NPHP4: variants seen among roughly 807,000 people sequenced by gnomAD.
The protein encoded by NPHP4 is nephrocystin 4.
A neutral mutation model predicts 155.8 loss-of-function variants in NPHP4; 151 were observed. That is an observed-to-expected ratio of 0.97 (90% CI 0.85 to 1.11). NPHP4 has a LOEUF of 1.11. NPHP4 is among the 50% of genes least tolerant of loss of function. The pLI is 0.00. For missense variants in NPHP4, 1,956 were observed against 1,925.7 expected, an observed-to-expected ratio of 1.02 and a Z score of -0.29; for synonymous variants, 845 against 816.8, an observed-to-expected ratio of 1.03 and a Z score of -0.59.
chr1:5,898,003 G>C (rs1025517824), intron 16 of NPHP4, among the ~76,000 whole-genome samples: 1 of 152,232 alleles, frequency 6.6e-6, no homozygotes, highest in African/African-American at 2.4e-5. Context: ...GGAAAGAGGA[G>C]ATCCACTAAG....
At chr1:5,896,534 GATAA>G (rs978537586) in intron 16 of NPHP4, among the ~76,000 whole-genome samples, 6 of 152,160 alleles carry the variant, frequency 3.9e-5, no homozygotes, top group South Asian at 2.1e-4. Flanking sequence ...TGTTAGGCAA[GATAA>G]ATAAGTAAAT....
At position 5,864,380 on chromosome 1, in the gene NPHP4, G is replaced by C. The variant is rs770386333; in HGVS notation, c.3954C>G (p.Ser1318=). 79 of 1,611,524 alleles carry C rather than the reference G, an allele frequency of 4.9e-5. No individual in the cohort carries two copies. The highest frequency in any genetic ancestry group is 6.4e-5 in the Non-Finnish European group (76 of 1,179,062). ...GGCGGCAGCAGAGGCACACGAGCCA[G>C]GAGGCCACCAGCTGGTGGCAATCCA... ...VDVDCHQLVA[S]WLVCLCCRQP... is the part of the protein sequence containing the mutation. Residue 1318 remains serine (S), a synonymous_variant, in exon 28 of 30, where the codon TCC becomes TCG. Coordinates refer to ENST00000378156, the MANE Select transcript of NPHP4 (RefSeq NM_015102.5).
chr1:5,948,319 G>T, intron 7 of NPHP4, 68 bp from the exon 8 acceptor site: 1 of 1,228,490 alleles, frequency 8.1e-7, no homozygotes, highest in Non-Finnish European at 1.1e-6. Flanking sequence ...GAAGTCCCTG[G>T]GGGAGGCGAG....
chr1:5,936,608 A>T (rs1203990990), intron 9 of NPHP4, among the ~76,000 whole-genome samples: 1 of 152,240 alleles, frequency 6.6e-6, no homozygotes. Flanking sequence ...CAAATACACA[A>T]AAGACAAAAT....
At chr1:5,937,078 A>C (rs1646580223) in intron 9 of NPHP4, among the ~76,000 whole-genome samples, 1 of 152,200 alleles carries the variant, frequency 6.6e-6, no homozygotes, top group Non-Finnish European at 1.5e-5. Flanking sequence ...AGAGGCAGGG[A>C]GGCCCCATCC....
Position 5,864,888 on chromosome 1 carries a change from C to T in NPHP4, c.3816+214G>A, listed in dbSNP as rs151227694. On this transcript the variant is annotated intron_variant, in intron 27 of 29. Coordinates refer to ENST00000378156, the MANE Select transcript of NPHP4 (RefSeq NM_015102.5). ...TCACCTTGCCAGGAATTCTGAACAC[C>T]GGCCTTTGGGGTTGGTGTGTACGTC... 2.0e-3 allele frequency: 1,120 copies of T among 568,066 alleles called. 11 individuals carry two copies. The highest frequency in any genetic ancestry group is 0.018 in the African/African-American group (970 of 53,668). 35.2% of individuals were successfully genotyped at this position (568,066 alleles called of 1,614,324 possible). A position where few individuals can be genotyped will look rare whatever the true frequency, so the allele number is the denominator to read the frequency against.
rs1383679902 is a variant in NPHP4 at position 5,874,474 on chromosome 1, C to A, written c.3228G>T (p.Val1076=). 1.3e-6 allele frequency: 2 copies of A among 1,544,330 alleles called. No individual in the cohort carries two copies. The highest frequency in any genetic ancestry group is 1.8e-6 in the Non-Finnish European group (2 of 1,142,226). The change falls in exon 22 of 30, where the codon GTG becomes GTT. Residue 1076 remains valine (V), a synonymous_variant. Coordinates refer to ENST00000378156, the MANE Select transcript of NPHP4 (RefSeq NM_015102.5). ...CCTGTGTGCCTGACACCCGCACCTGCACCATGGCCAGCTGCCCTGCAGAGA... is the reference window on the plus strand; with the variant it reads ...CCTGTGTGCCTGACACCCGCACCTGAACCATGGCCAGCTGCCCTGCAGAGA... ...QSFSAGQLAM[V]QASPGLSNEK...
rs1232040100 is a variant in NPHP4, at chr1:5,944,295, C to T, written c.1119+2809G>A. Among the ~76,000 whole-genome samples the T allele has an allele frequency of 6.6e-6, 1 of 152,226 alleles. No individual in the cohort carries two copies. Among genetic ancestry groups the T allele is most frequent in the Non-Finnish European group, 1.5e-5 (1 of 68,036 alleles). ...ACGCTGCAGCCGGAAGGCACAACCA[C>T]ACCCAGCTGAAAAAATCCCCACCCA... is the stretch of plus-strand genomic sequence containing the variant. On this transcript the variant is annotated intron_variant, in intron 9 of 29. Transcript: ENST00000378156. The surrounding 1 kb of genome is among the most constrained non-coding windows in gnomAD (Gnocchi z 4.3).
chr1:5,933,582 A>G lies in NPHP4; in HGVS notation c.1120-253T>C, dbSNP rs112765370. 3.3e-3 allele frequency among the ~76,000 whole-genome samples: 497 copies of G among 152,222 alleles called. 3 individuals carry two copies. The highest frequency in any genetic ancestry group is 0.011 in the African/African-American group (467 of 41,542). On this transcript the variant is annotated intron_variant, in intron 9 of 29. Coordinates refer to ENST00000378156, the MANE Select transcript of NPHP4 (RefSeq NM_015102.5). ...CAGTCAGGACCCCTGCCCACCCATG[A>G]GTCTCCTTTTCTGGCCCAAGGTAGT...
chr1:5,971,534 G>C (rs76313816), intron 3 of NPHP4, among the ~76,000 whole-genome samples: 3 of 152,194 alleles, frequency 2.0e-5, no homozygotes, highest in Non-Finnish European at 4.4e-5. Context: ...CTCGAGCCTC[G>C]AAGGCTTCAT....
At chr1:5,893,481 G>C (rs978294811) in intron 16 of NPHP4, among the ~76,000 whole-genome samples, 2 of 152,210 alleles carry the variant, frequency 1.3e-5, no homozygotes, top group Non-Finnish European at 2.9e-5. Flanking sequence ...GAGACAAAGA[G>C]AAAGACAGCT....
chr1:5,978,183 G>A (rs1654031364), intron 3 of NPHP4, 87 bp downstream of exon 3: 2 of 1,287,232 alleles, frequency 1.6e-6, no homozygotes, highest in African/African-American at 1.5e-5. Context: ...TCTCGGCAAG[G>A]CCCCAGTCTC....
chr1:5,964,926 T>C (rs1309040560), intron 5 of NPHP4, among the ~76,000 whole-genome samples: 1 of 32,256 alleles, frequency 3.1e-5, no homozygotes, highest in Non-Finnish European at 5.3e-5. Flanking sequence ...ATTATATATA[T>C]ATATATATAT....
chr1:5,866,343 C>T (rs961209044), intron 26 of NPHP4, 30 bp downstream of exon 26: 2 of 1,462,628 alleles, frequency 1.4e-6, no homozygotes, highest in African/African-American at 1.4e-5. Context: ...TCCGCCACCG[C>T]CTCCAGGTCC....
chr1:5,929,411 T>G (rs1646167586), intron 10 of NPHP4, among the ~76,000 whole-genome samples: 1 of 152,202 alleles, frequency 6.6e-6, no homozygotes, highest in African/African-American at 2.4e-5. Context: ...TCTTTCACCA[T>G]TAAGTATGAT....
chr1:5,952,691 AC>A lies in NPHP4; in HGVS notation c.810+8del, dbSNP rs753715436. 9.9e-6 allele frequency: 15 copies of A among 1,520,830 alleles called. No homozygotes were observed. The highest frequency in any genetic ancestry group is 1.4e-5 in the African/African-American group (1 of 71,160). The allele number at this position is 1,520,830 out of a possible 1,614,324, so 94.2% of individuals were successfully genotyped here. ...CACCCTGCCCCCCATCACGCTTCTG[AC>A]TCCACACCTCCTGGAAGTGGTCCTG... is the stretch of plus-strand genomic sequence containing the variant. On this transcript the variant is annotated splice_region_variant and intron_variant, in intron 7 of 29. Transcript: ENST00000378156.
chr1:5,889,214 T>C lies in NPHP4; in HGVS notation c.2304+1654A>G, dbSNP rs1326297020. ...TGATTAGCAGAAGGAAAAGCCACTG[T>C]AGTGACCCGCAACAGCAAGAGCTCA... On this transcript the variant is annotated intron_variant, in intron 17 of 29. Coordinates refer to ENST00000378156, the MANE Select transcript of NPHP4 (RefSeq NM_015102.5). This position sits in a 1 kb window ranked among gnomAD's most constrained non-coding sequence, Gnocchi z 4.2. Among the ~76,000 whole-genome samples, 1 of 152,134 alleles carries C rather than the reference T, an allele frequency of 6.6e-6. No individual in the cohort carries two copies. Among genetic ancestry groups the C allele is most frequent in the Non-Finnish European group, 1.5e-5 (1 of 68,026 alleles).
At chr1:5,956,063 G>GT (rs575700485) in intron 6 of NPHP4, among the ~76,000 whole-genome samples, 2,975 of 149,318 alleles carry the variant, frequency 0.02, 161 homozygotes, top group African/African-American at 0.07. Flanking sequence ...AAAAGCTGGG[G>GT]GGGGGGGGTG....
At chr1:5,879,455 G>C (rs976265592) in intron 19 of NPHP4, 6 of 483,414 alleles carry the variant, frequency 1.2e-5, no homozygotes, top group South Asian at 6.1e-5. Flanking sequence ...CTCCATAATT[G>C]GCTTCTTTCT....
Sources: allele counts gnomAD v4.1 joint callset (sites outside exome capture counted in the v4.1 genomes callset), GRCh38; gene constraint gnomAD v4.1.1; non-coding constraint Gnocchi (gnomAD v3.1); transcripts MANE v1.5; gene names NCBI Gene and HGNC (gene_info 2026-07-23, HGNC 2026-07-21).